GRIP1: variants seen among roughly 807,000 people sequenced by gnomAD.
The protein encoded by GRIP1 is glutamate receptor interacting protein 1, also known as glutamate receptor-interacting protein 1.
In GRIP1, 45 loss-of-function variants were observed where a neutral mutation model predicts 129.9. That is an observed-to-expected ratio of 0.35 (90% CI 0.27 to 0.44). GRIP1 has a LOEUF of 0.44. Among genes scored for constraint, GRIP1 ranks in the 20% least tolerant of loss-of-function variants. The pLI is 1.00. For missense variants in GRIP1, 1,196 were observed against 1,396.8 expected, an observed-to-expected ratio of 0.86 and a Z score of 2.29; for synonymous variants, 530 against 520.8, an observed-to-expected ratio of 1.02 and a Z score of -0.24.
At chr12:66,846,102 T>C (rs76486854) in intron 1 of GRIP1, among the ~76,000 whole-genome samples, 8,231 of 152,274 alleles carry the variant, frequency 0.054, 308 homozygotes, top group African/African-American at 0.1. Context: ...GAAGTATTCC[T>C]CATCAAGAGG....
At chr12:66,366,626 A>C (rs745446943) in intron 23 of GRIP1, among the ~76,000 whole-genome samples, 1 of 152,214 alleles carries the variant, frequency 6.6e-6, no homozygotes, top group Non-Finnish European at 1.5e-5. Context: ...AAGAAGTATA[A>C]TTTTATTGAA....
In GRIP1 at chr12:66,464,014, C is replaced by T. The variant is rs140407931; in HGVS notation, c.873-921G>A. Among the ~76,000 whole-genome samples, 1,470 of 152,114 alleles carry T rather than the reference C, an allele frequency of 9.7e-3. 12 individuals are homozygous for T. Among genetic ancestry groups the T allele is most frequent in the Non-Finnish European group, 0.015 (1,033 of 67,972 alleles). ...CAATGGAGATGTAGACTGACCACTA[C>T]GGGGGGTTGCTGCAGTTCACTGCAC... On this transcript the variant is annotated intron_variant, in intron 8 of 24. Transcript: ENST00000359742.
intron 1 of GRIP1, among the ~76,000 whole-genome samples, chr12:67,067,014 A>G (rs2043642045): frequency 6.6e-6 from 1 of 151,194 alleles, no homozygotes. Flanking sequence ...GACTTCAAAA[A>G]GAAATGCTAC....
intron 1 of GRIP1, among the ~76,000 whole-genome samples, chr12:66,956,727 T>C (rs1428674739): frequency 1.3e-5 from 2 of 152,210 alleles, no homozygotes; most frequent in Non-Finnish European, 2.9e-5. Flanking sequence ...TTTCTCCTTT[T>C]ACTAGGGAAT....
At chr12:66,856,243 A>G (rs1009746792) in intron 1 of GRIP1, among the ~76,000 whole-genome samples, 1 of 152,176 alleles carries the variant, frequency 6.6e-6, no homozygotes, top group Non-Finnish European at 1.5e-5. Flanking sequence ...AAAGACTTAC[A>G]TGTTAGAACT....
chr12:66,423,493 G>T (rs1222387727), intron 14 of GRIP1, among the ~76,000 whole-genome samples: 1 of 152,188 alleles, frequency 6.6e-6, no homozygotes, highest in Non-Finnish European at 1.5e-5. Flanking sequence ...ACCCATGAAA[G>T]CTTCTGAGTT....
chr12:66,679,532 G>A (rs117705310), upstream of GRIP1, among the ~76,000 whole-genome samples: 2 of 151,850 alleles, frequency 1.3e-5, no homozygotes, highest in Admixed American at 6.6e-5. Flanking sequence ...TGCCTATAGC[G>A]GGGAAGCAGC....
chr12:66,686,641 T>C (rs1280098516), intron 1 of GRIP1, among the ~76,000 whole-genome samples: 8 of 152,172 alleles, frequency 5.3e-5, no homozygotes, highest in Non-Finnish European at 8.8e-5. Context: ...ATATTAAGAA[T>C]GCATATATTA....
At chr12:66,446,057 G>A (rs1313859224) in intron 11 of GRIP1, among the ~76,000 whole-genome samples, 1 of 151,916 alleles carries the variant, frequency 6.6e-6, no homozygotes, top group Non-Finnish European at 1.5e-5. Flanking sequence ...TGTTGGGTTG[G>A]CATGATGACA....
chr12:66,401,768 T>C (rs1461046417), intron 16 of GRIP1, among the ~76,000 whole-genome samples: 1 of 151,984 alleles, frequency 6.6e-6, no homozygotes, highest in Non-Finnish European at 1.5e-5. Context: ...ATTTCCCAGA[T>C]TGTCAGTTGT....
chr12:66,672,911 GTTTT>G (rs1222516896), intron 1 of GRIP1, among the ~76,000 whole-genome samples: 2 of 152,060 alleles, frequency 1.3e-5, no homozygotes, highest in Non-Finnish European at 2.9e-5. Flanking sequence ...GGGAAATTCA[GTTTT>G]TTTGTTTGTT....
intron 2 of GRIP1, among the ~76,000 whole-genome samples, chr12:66,576,394 T>C (rs1238586419): frequency 1.3e-5 from 2 of 152,222 alleles, no homozygotes; most frequent in Non-Finnish European, 2.9e-5. Context: ...TAACACTATT[T>C]GATGCTTATC....
chr12:66,663,398 A>G (rs2033623186), intron 1 of GRIP1, among the ~76,000 whole-genome samples: 1 of 152,218 alleles, frequency 6.6e-6, no homozygotes, highest in African/African-American at 2.4e-5. Context: ...AGTAGAGTGT[A>G]TGAAGGTCAT....
rs1396004864 is a variant in GRIP1, at chr12:66,392,753, C to T, written c.2193G>A (p.Lys731=). 2 of 1,614,050 alleles carry T rather than the reference C, an allele frequency of 1.2e-6. No individual in the cohort carries two copies. Among genetic ancestry groups the T allele is most frequent in the East Asian group, 4.5e-5 (2 of 44,868 alleles). ...LAINSSSLKG[K]PLSEAIHLLQ... ...ACAAATGGATGGCTTCACTCAGAGG[C>T]TTCCCTTTCAAGCTGCTGCTATTGA... The change falls in exon 18 of 25, where the codon AAG becomes AAA. Residue 731 remains lysine, a synonymous_variant. Transcript: ENST00000359742.
intron 6 of GRIP1, among the ~76,000 whole-genome samples, 189 bp from the exon 7 acceptor site, chr12:66,515,953 G>GA (rs1383453981): frequency 6.6e-6 from 1 of 152,090 alleles, no homozygotes; most frequent in Non-Finnish European, 1.5e-5. Flanking sequence ...GCTGTAATAT[G>GA]AAAATCAGTA....
chr12:66,860,731 C>T lies in GRIP1; in HGVS notation c.58+208319G>A, dbSNP rs2040096899. Among the ~76,000 whole-genome samples, 4 of 152,152 alleles carry T rather than the reference C, an allele frequency of 2.6e-5. No homozygotes were observed. The South Asian group carries it at 8.3e-4, about 32-fold the overall frequency. On this transcript the variant is annotated intron_variant, in intron 1 of 1. Transcript: ENST00000643019. The stretch of plus-strand genomic sequence containing the variant: ...CTCAAACTTTAATGTGACTATGAAT[C>T]ACCAGAGAATCTTATTAAAATGCAT...
At chr12:66,686,214 G>T (rs1263096050) in intron 1 of GRIP1, among the ~76,000 whole-genome samples, 2 of 152,148 alleles carry the variant, frequency 1.3e-5, no homozygotes, top group Admixed American at 6.6e-5. Flanking sequence ...CATTCCTGGT[G>T]CTTCTGACAA....
intron 1 of GRIP1, among the ~76,000 whole-genome samples, chr12:66,820,818 TAAA>T (rs76089949): frequency 6.9e-6 from 1 of 144,328 alleles, no homozygotes; most frequent in Non-Finnish European, 1.5e-5. Context: ...GGGAGACAAT[TAAA>T]AAAAAAAAAC....
chr12:66,921,076 C>G lies in GRIP1; in HGVS notation c.58+147974G>C, dbSNP rs140641368. Among the ~76,000 whole-genome samples the G allele has an allele frequency of 1.4e-3, 219 of 152,230 alleles. 2 individuals carry two copies. The highest frequency in any genetic ancestry group is 2.7e-3 in the Non-Finnish European group (181 of 68,004). On this transcript the variant is annotated intron_variant, in intron 1 of 1. Transcript: ENST00000643019. Reference sequence around the variant, plus strand: ...GAGGTCCTGATGTTACCATTAGAGGCAGGTGATACGTGAACCATTGTTACC... The same window carrying G: ...GAGGTCCTGATGTTACCATTAGAGGGAGGTGATACGTGAACCATTGTTACC...
Sources: gnomAD v4.1 joint callset for allele counts (sites outside exome capture counted in the v4.1 genomes callset) on GRCh38, gnomAD v4.1.1 for gene constraint, MANE v1.5 for transcripts, NCBI Gene and HGNC (gene_info 2026-07-23, HGNC 2026-07-21) for gene names.